The following MYO18B variants were observed in gnomAD, a reference collection of about 807,000 sequenced individuals.
MYO18B encodes myosin XVIIIB.
Under a neutral mutation model 273.0 loss-of-function variants are expected in MYO18B, and 204 were observed. That is an observed-to-expected ratio of 0.75 (90% CI 0.67 to 0.84). The LOEUF (loss-of-function observed/expected upper bound fraction) is 0.84, where lower values mean the gene tolerates loss of function less well. MYO18B is among the 40% of genes least tolerant of loss of function. The pLI, the probability that MYO18B is intolerant of heterozygous loss-of-function variation, is 0.00. For missense variants in MYO18B, 3,212 were observed against 3,287.6 expected (o/e 0.98, Z 0.56); for synonymous variants, 1,330 against 1,305.7 (o/e 1.02, Z -0.40).
chr22:25,817,292 C>G (rs564498789), intron 12 of MYO18B, among the ~76,000 whole-genome samples: 16 of 150,540 alleles, frequency 1.1e-4, no homozygotes, highest in African/African-American at 3.9e-4. Flanking sequence ...CTCTTTCTGT[C>G]TCTTTCTCTC....
Position 25,769,189 on chromosome 22 carries a change from A to G in MYO18B, c.1273A>G (p.Met425Val), listed in dbSNP as rs1052503058. The change falls in exon 4 of 44, where the codon ATG becomes GTG. Residue 425 changes from methionine (M) to valine (V), a missense_variant. Coordinates refer to ENST00000335473, the MANE Select transcript of MYO18B (RefSeq NM_032608.7). ...GCEAPKEVST[M>V]VESPAAPGKG... ...TGAAGCCCCAAAGGAGGTGAGCACAATGGTGGAGTCGCCAGCAGCTCCTGG... is the reference window on the plus strand; with the variant it reads ...TGAAGCCCCAAAGGAGGTGAGCACAGTGGTGGAGTCGCCAGCAGCTCCTGG... 7 of 1,610,598 alleles carry G rather than the reference A, an allele frequency of 4.3e-6. No individual in the cohort carries two copies. The highest frequency in any genetic ancestry group is 4.0e-5 in the African/African-American group (3 of 74,898).
At chr22:25,999,040 G>T (rs1933644846) in intron 40 of MYO18B, among the ~76,000 whole-genome samples, 2 of 152,140 alleles carry the variant, frequency 1.3e-5, no homozygotes, top group African/African-American at 2.4e-5. Context: ...ATTACTTTGT[G>T]CAGGTACTGT....
intron 12 of MYO18B, among the ~76,000 whole-genome samples, chr22:25,810,985 A>C (rs1411140742): frequency 6.6e-6 from 1 of 152,080 alleles, no homozygotes; most frequent in Non-Finnish European, 1.5e-5. Flanking sequence ...TCACTACCCT[A>C]AACTGGCTAG....
chr22:26,007,306 C>T (rs1347556449), intron 42 of MYO18B, among the ~76,000 whole-genome samples: 8 of 152,208 alleles, frequency 5.3e-5, no homozygotes, highest in African/African-American at 1.7e-4. Context: ...GGTCACAGCT[C>T]AGCATTGATT....
At chr22:25,808,106 C>T (rs2145813672) in intron 12 of MYO18B, among the ~76,000 whole-genome samples, 1 of 152,266 alleles carries the variant, frequency 6.6e-6, no homozygotes, top group South Asian at 2.1e-4. Context: ...CCCGACCATT[C>T]TCTGAGACCC....
downstream of MYO18B, among the ~76,000 whole-genome samples, chr22:26,034,967 T>C (rs1936750373): frequency 6.6e-6 from 1 of 152,222 alleles, no homozygotes; most frequent in Admixed American, 6.5e-5. Context: ...CCTGTCTTCG[T>C]GAAGCTTATG....
intron 19 of MYO18B, 146 bp from the exon 20 acceptor site, chr22:25,847,284 C>G: frequency 1.6e-6 from 1 of 634,836 alleles, no homozygotes; most frequent in South Asian, 2.0e-5. Flanking sequence ...GAGCACAAAT[C>G]AGGCTGTAGG....
chr22:26,000,430 C>G (rs1005702873), intron 40 of MYO18B, among the ~76,000 whole-genome samples: 5 of 152,030 alleles, frequency 3.3e-5, no homozygotes, highest in Non-Finnish European at 5.9e-5. Context: ...CTCGAGGGCT[C>G]CATGCACCAT....
At position 26,004,698 on chromosome 22, in the gene MYO18B, GTCCTGCAATCTTATTCTAGGGA is replaced by G. The variant is rs1295910990; in HGVS notation, c.6333-18_6336del. The G allele has an allele frequency of 6.2e-7, 1 of 1,612,774 alleles. No homozygotes were observed. Among genetic ancestry groups the G allele is most frequent in the Non-Finnish European group, 8.5e-7 (1 of 1,179,292 alleles). On this transcript the variant is annotated splice_acceptor_variant and splice_polypyrimidine_tract_variant and coding_sequence_variant and intron_variant, in exon 42 of 44. Coordinates refer to ENST00000335473, the MANE Select transcript of MYO18B (RefSeq NM_032608.7). LOFTEE classifies it high-confidence loss of function. The stretch of plus-strand genomic sequence containing the variant: ...CTGTGATTGTCATTGTGCTGATGGT[GTCCTGCAATCTTATTCTAGGGA>G]TAACGTCTCCATCCTCAGCTCCCAG...
intron 11 of MYO18B, among the ~76,000 whole-genome samples, chr22:25,791,681 G>C (rs4820655): frequency 0.97 from 147,761 of 152,290 alleles, 71,783 homozygotes; most frequent in Non-Finnish European, 0.99. Flanking sequence ...TTTGCTTCTG[G>C]CTGTCACATT....
chr22:25,745,465 TCTC>T (rs2085750070), intron 1 of MYO18B, among the ~76,000 whole-genome samples: 2 of 133,774 alleles, frequency 1.5e-5, no homozygotes, highest in Admixed American at 7.9e-5. Context: ...TAGATTTCTC[TCTC>T]TCTGACACAC....
chr22:25,772,388 A>G lies in MYO18B; in HGVS notation c.1747A>G (p.Asn583Asp). 6.2e-7 allele frequency: 1 copy of G among 1,613,990 alleles called. No homozygotes were observed. The highest frequency in any genetic ancestry group is 8.5e-7 in the Non-Finnish European group (1 of 1,179,876). The change falls in exon 7 of 44, where the codon AAC (asparagine) becomes GAC (aspartate). Residue 583 changes from asparagine (N) to aspartate (D), a missense_variant. Coordinates refer to ENST00000335473, the MANE Select transcript of MYO18B (RefSeq NM_032608.7). ...GGACCTGGCCTCTCTCATCAGTGTC[A>G]ACGAATCCAGTGTCCTGAACACGCT... ...VEDLASLISV[N>D]ESSVLNTLLQ...
At chr22:25,818,508 A>G (rs926247940) in intron 12 of MYO18B, among the ~76,000 whole-genome samples, 6 of 152,224 alleles carry the variant, frequency 3.9e-5, no homozygotes, top group African/African-American at 1.4e-4. Context: ...TGAGGCATGG[A>G]AAGCCTTTAG....
chr22:26,051,369 G>A, the MYO18B span, among the ~76,000 whole-genome samples: 2 of 151,896 alleles, frequency 1.3e-5, no homozygotes, highest in African/African-American at 4.8e-5. Context: ...GATTACAGGC[G>A]CCCACCACCG....
At chr22:25,751,327 A>G (rs935787890) in intron 1 of MYO18B, among the ~76,000 whole-genome samples, 2 of 152,172 alleles carry the variant, frequency 1.3e-5, no homozygotes, top group Non-Finnish European at 2.9e-5. Context: ...TCTGATCCCA[A>G]CTACCACACG....
chr22:25,742,712 C>G (rs1201250207), intron 1 of MYO18B, among the ~76,000 whole-genome samples: 1 of 152,172 alleles, frequency 6.6e-6, no homozygotes, highest in East Asian at 1.9e-4. Context: ...CGGGGAAGAG[C>G]CAGGCTTCCC....
At chr22:25,956,356 C>T (rs6004853) in intron 39 of MYO18B, among the ~76,000 whole-genome samples, 25,906 of 151,708 alleles carry the variant, frequency 0.17, 4,104 homozygotes, top group African/African-American at 0.39. Flanking sequence ...GCTGGGACTA[C>T]GGGCATGAGC....
At chr22:25,797,896 C>A in intron 11 of MYO18B, 57 bp from the exon 12 acceptor site, 2 of 1,612,840 alleles carry the variant, frequency 1.2e-6, no homozygotes, top group Admixed American at 1.7e-5. Flanking sequence ...AAGTTGTGAG[C>A]TTGTGTTTTC....
chr22:25,894,565 T>G (rs2146299123), intron 27 of MYO18B: 1 of 152,360 alleles, frequency 6.6e-6, no homozygotes, highest in South Asian at 2.1e-4. Flanking sequence ...CCATCTTATC[T>G]TGTGGAGACA....
Sources: gnomAD v4.1 joint callset for allele counts (sites outside exome capture counted in the v4.1 genomes callset) on GRCh38, gnomAD v4.1.1 for gene constraint, MANE v1.5 for transcripts, NCBI Gene and HGNC (gene_info 2026-07-23, HGNC 2026-07-21) for gene names.